Variants in DRC9 observed in about 807,000 individuals in gnomAD.
DRC9 encodes dynein regulatory complex protein 9.
chr3:197,940,638 T>C, the DRC9 span, among the ~76,000 whole-genome samples: 1 of 152,162 alleles, frequency 6.6e-6, no homozygotes, highest in East Asian at 1.9e-4. Context: ...AACATCCATA[T>C]ACTAACATTT....
At chr3:197,931,614 A>ATTT in the DRC9 span, among the ~76,000 whole-genome samples, 4 of 147,810 alleles carry the variant, frequency 2.7e-5, no homozygotes, top group Non-Finnish European at 6.0e-5. Context: ...AATTAAATCT[A>ATTT]TTTTTTTTTT....
At chr3:197,933,000 A>G in the DRC9 span, among the ~76,000 whole-genome samples, 1 of 140,924 alleles carries the variant, frequency 7.1e-6, no homozygotes, top group African/African-American at 2.6e-5. Context: ...TACATATTAT[A>G]TATGTATAAT....
the DRC9 span, among the ~76,000 whole-genome samples, chr3:197,897,919 C>T: frequency 3.0e-4 from 45 of 151,148 alleles, no homozygotes; most frequent in South Asian, 3.5e-3. Context: ...TACAGGCACC[C>T]GCCACCACGC....
At chr3:197,916,748 C>A in the DRC9 span, among the ~76,000 whole-genome samples, 66 of 152,208 alleles carry the variant, frequency 4.3e-4, no homozygotes, top group Non-Finnish European at 7.1e-4. Flanking sequence ...GAAGAAAAAA[C>A]AAAGTGGTAA....
At chr3:197,892,553 C>T in the DRC9 span, 4 of 1,566,424 alleles carry the variant, frequency 2.6e-6, no homozygotes, top group Middle Eastern at 1.7e-4. Flanking sequence ...GCCCTAATTC[C>T]TTCCACTCCC....
At chr3:197,932,599 C>T in the DRC9 span, among the ~76,000 whole-genome samples, 1 of 151,042 alleles carries the variant, frequency 6.6e-6, no homozygotes, top group Non-Finnish European at 1.5e-5. Flanking sequence ...CACCAATGCA[C>T]TCCAGTCTGG....
the DRC9 span, among the ~76,000 whole-genome samples, chr3:197,921,659 C>A: frequency 1.4e-5 from 2 of 145,968 alleles, no homozygotes; most frequent in Non-Finnish European, 1.5e-5. Context: ...CTGGGGATTT[C>A]ACCTGGTTTC....
chr3:197,919,110 T>C, the DRC9 span, among the ~76,000 whole-genome samples: 1 of 152,254 alleles, frequency 6.6e-6, no homozygotes, highest in East Asian at 1.9e-4. Context: ...GCCCGGCCAA[T>C]GTAAGTGTTT....
the DRC9 span, among the ~76,000 whole-genome samples, chr3:197,946,296 G>A: frequency 8.9e-4 from 135 of 151,760 alleles, 1 homozygote; most frequent in Non-Finnish European, 4.3e-4. Context: ...TTAGCCGGGC[G>A]TGGTGGCGGG....
the DRC9 span, among the ~76,000 whole-genome samples, chr3:197,926,445 C>A: frequency 2.0e-5 from 3 of 152,274 alleles, no homozygotes; most frequent in East Asian, 5.8e-4. Context: ...AAAGAAGAAT[C>A]CTTTCTACTT....
the DRC9 span, among the ~76,000 whole-genome samples, chr3:197,936,657 C>T: frequency 2.0e-5 from 3 of 152,206 alleles, no homozygotes; most frequent in African/African-American, 7.2e-5. Context: ...GCTGCCACGC[C>T]TGGCCTGTTG....
the DRC9 span, chr3:197,932,309 G>T: frequency 6.2e-7 from 1 of 1,607,586 alleles, no homozygotes; most frequent in South Asian, 1.1e-5. Context: ...CTGCCTGTAA[G>T]GAGAAACAGA....
chr3:197,908,894 A>G, the DRC9 span, among the ~76,000 whole-genome samples: 3 of 151,972 alleles, frequency 2.0e-5, no homozygotes, highest in African/African-American at 7.3e-5. Context: ...ACCCTCCCAG[A>G]TGAAGTTATC....
At chr3:197,926,313 A>C in the DRC9 span, among the ~76,000 whole-genome samples, 5 of 152,156 alleles carry the variant, frequency 3.3e-5, no homozygotes, top group Non-Finnish European at 7.3e-5. Flanking sequence ...ATTTTCAATA[A>C]CACGTTTTAA....
the DRC9 span, among the ~76,000 whole-genome samples, chr3:197,910,132 T>G: frequency 3.9e-5 from 6 of 152,142 alleles, no homozygotes; most frequent in Non-Finnish European, 1.5e-5. Flanking sequence ...CTTTAACCTA[T>G]GTATTTCTGT....
the DRC9 span, among the ~76,000 whole-genome samples, chr3:197,924,026 C>G: frequency 6.6e-6 from 1 of 151,856 alleles, no homozygotes; most frequent in Admixed American, 6.6e-5. Flanking sequence ...CCATTGCACT[C>G]CAGCCTGAGT....
chr3:197,910,769 C>A, the DRC9 span, among the ~76,000 whole-genome samples: 2 of 152,116 alleles, frequency 1.3e-5, no homozygotes, highest in Non-Finnish European at 2.9e-5. Context: ...TACCTGAGGT[C>A]AGGAGTTCTA....
the DRC9 span, among the ~76,000 whole-genome samples, chr3:197,933,855 G>A: frequency 1.3e-5 from 2 of 149,860 alleles, no homozygotes; most frequent in African/African-American, 4.9e-5. Flanking sequence ...CTGTTACCCA[G>A]GCTGGAGTGT....
At chr3:197,938,664 G>C in the DRC9 span, 1 of 1,614,134 alleles carries the variant, frequency 6.2e-7, no homozygotes, top group Non-Finnish European at 8.5e-7. Context: ...CTCTGTGTCT[G>C]ATTTCTGGCA....
Sources: allele counts gnomAD v4.1 joint callset (sites outside exome capture counted in the v4.1 genomes callset), GRCh38; gene constraint gnomAD v4.1.1; transcripts MANE v1.5; gene names NCBI Gene and HGNC (gene_info 2026-07-23, HGNC 2026-07-21).